HIVEP2: variants seen among roughly 807,000 people sequenced by gnomAD.
HIVEP2 encodes transcription factor HIVEP2.
In HIVEP2, 14 loss-of-function variants were observed where a neutral mutation model predicts 180.7. The observed-to-expected ratio is 0.08, with a 90% confidence interval of 0.05 to 0.12. HIVEP2 has a LOEUF of 0.12. Ranked by LOEUF, HIVEP2 falls within the 10% of genes least tolerant of loss-of-function variation. HIVEP2 has a pLI of 1.00. For synonymous variants in HIVEP2, 1,184 were observed against 1,136.4 expected (o/e 1.04, Z -0.84); for missense variants, 2,579 against 3,008.5 (o/e 0.86, Z 3.34).
chr6:142,883,996 T>A (rs930557895), intron 1 of HIVEP2, among the ~76,000 whole-genome samples: 7 of 152,232 alleles, frequency 4.6e-5, no homozygotes, highest in Non-Finnish European at 1.0e-4. Context: ...GAATTTTAAA[T>A]GTCTAAAATT....
At chr6:142,868,924 T>A (rs1427713108) in intron 1 of HIVEP2, among the ~76,000 whole-genome samples, 1 of 152,198 alleles carries the variant, frequency 6.6e-6, no homozygotes, top group Non-Finnish European at 1.5e-5. Context: ...AGTGTAAGTC[T>A]GAACATCGAT....
Position 142,770,800 on chromosome 6 carries a change from A to T in HIVEP2, c.3939T>A (p.Val1313=). Reference sequence around the variant, plus strand: ...TTGCCGAGGCAAAATCTTCTTGAAGAACCTGCTCAGAGGGCGTTTCAGTTG... The same window carrying T: ...TTGCCGAGGCAAAATCTTCTTGAAGTACCTGCTCAGAGGGCGTTTCAGTTG... ...SKSTETPSEQ[V]LQEDFASANA... is the part of the protein sequence containing the mutation. Residue 1313 remains valine, a synonymous_variant, in exon 5 of 10, where the codon GTT becomes GTA. Transcript: ENST00000367603. This position sits in a 1 kb window ranked among gnomAD's most constrained non-coding sequence, Gnocchi z 4.7. 2 of 1,614,198 alleles carry T rather than the reference A, an allele frequency of 1.2e-6. No individual in the cohort carries two copies. Among genetic ancestry groups the T allele is most frequent in the South Asian group, 2.2e-5 (2 of 91,082 alleles).
At chr6:142,911,142 A>AG (rs1214472938) in intron 1 of HIVEP2, among the ~76,000 whole-genome samples, 1 of 148,490 alleles carries the variant, frequency 6.7e-6, no homozygotes, top group African/African-American at 2.4e-5. Context: ...AACACATTAA[A>AG]AAAAAAAAAA....
intron 2 of HIVEP2, among the ~76,000 whole-genome samples, chr6:142,786,691 A>G (rs569194557): frequency 6.2e-4 from 94 of 152,370 alleles, no homozygotes; most frequent in African/African-American, 2.3e-3. Flanking sequence ...ACTGATTCAT[A>G]GATGACAGAT....
In HIVEP2 at chr6:142,752,371, C is replaced by CATTTA. The variant is rs1774943839; in HGVS notation, c.*735_*736insTAAAT. 1 of 152,614 alleles carries CATTTA rather than the reference C, an allele frequency of 6.6e-6. No individual in the cohort carries two copies. Among genetic ancestry groups the CATTTA allele is most frequent in the Non-Finnish European group, 1.5e-5 (1 of 68,034 alleles). The allele number at this position is 152,614 out of a possible 1,614,324, so 9.5% of individuals were successfully genotyped here. ...TTACGGTACTATCATTTTAAAATCA[C>CATTTA]AATCAGCACTTAAGTTATAGTCAAT... On this transcript the variant is annotated 3_prime_UTR_variant, in exon 10 of 10. Transcript: ENST00000367603.
intron 7 of HIVEP2, among the ~76,000 whole-genome samples, chr6:142,762,093 AC>A (rs1164075236): frequency 6.6e-6 from 1 of 152,200 alleles, no homozygotes; most frequent in Non-Finnish European, 1.5e-5. Context: ...GTGAGGGCCA[AC>A]CTTGTCAGTG....
chr6:142,851,089 C>T lies in HIVEP2; in HGVS notation c.-640-14042G>A, dbSNP rs187816635. Reference sequence around the variant, plus strand: ...CTGGGAAATATACAAATAATAGAAGCACTTTCATATTCTTTCATAAGTTGA... The same window carrying T: ...CTGGGAAATATACAAATAATAGAAGTACTTTCATATTCTTTCATAAGTTGA... On this transcript the variant is annotated intron_variant, in intron 1 of 9. Transcript: ENST00000367603. Among the ~76,000 whole-genome samples the T allele has an allele frequency of 3.9e-4, 59 of 152,210 alleles. No homozygotes were observed. In the South Asian group the frequency reaches 0.012, roughly 30 times the overall value.
intron 1 of HIVEP2, among the ~76,000 whole-genome samples, chr6:142,929,471 AAGG>A (rs1582973714): frequency 6.6e-6 from 1 of 152,200 alleles, no homozygotes; most frequent in East Asian, 1.9e-4. Context: ...AACAAAAAAA[AAGG>A]AGTTCTTCAG....
chr6:142,763,503 G>A (rs921314953), intron 7 of HIVEP2, among the ~76,000 whole-genome samples: 4 of 152,188 alleles, frequency 2.6e-5, no homozygotes, highest in Admixed American at 6.5e-5. Context: ...TTTCCTTCAG[G>A]AGATGATGAT....
At chr6:142,900,831 G>A (rs989106421) in intron 1 of HIVEP2, among the ~76,000 whole-genome samples, 1 of 152,142 alleles carries the variant, frequency 6.6e-6, no homozygotes, top group Non-Finnish European at 1.5e-5. Context: ...GTCTTGGAGG[G>A]TTGAGGTTTT....
chr6:142,934,934 C>T (rs1460602223), intron 1 of HIVEP2, among the ~76,000 whole-genome samples: 1 of 152,170 alleles, frequency 6.6e-6, no homozygotes, highest in Non-Finnish European at 1.5e-5. Flanking sequence ...AACAATGCTT[C>T]CTCAAACTCC....
chr6:142,791,330 A>C lies in HIVEP2; in HGVS notation c.-527-7715T>G, dbSNP rs576818962. Among the ~76,000 whole-genome samples, 851 of 152,298 alleles carry C rather than the reference A, an allele frequency of 5.6e-3. 5 individuals are homozygous for C. The highest frequency in any genetic ancestry group is 9.3e-3 in the Non-Finnish European group (631 of 68,018). Reference sequence around the variant, plus strand: ...GGCTTGAACAACCAGGAAAGACTAGACAGAGGGAAGGGGCTCAAGTGGAAG... The same window carrying C: ...GGCTTGAACAACCAGGAAAGACTAGCCAGAGGGAAGGGGCTCAAGTGGAAG... On this transcript the variant is annotated intron_variant, in intron 2 of 9. Transcript: ENST00000367603.
intron 1 of HIVEP2, among the ~76,000 whole-genome samples, chr6:142,899,964 A>T (rs970770769): frequency 6.6e-6 from 1 of 152,200 alleles, no homozygotes; most frequent in African/African-American, 2.4e-5. Context: ...ACCTTAATAG[A>T]GATGATTCTT....
intron 2 of HIVEP2, among the ~76,000 whole-genome samples, chr6:142,818,734 AAAG>A (rs1414190941): frequency 0.013 from 217 of 17,030 alleles, 4 homozygotes; most frequent in African/African-American, 0.037. Context: ...GAAAGAAAGA[AAAG>A]AAAGAAAGAA....
chr6:142,823,457 G>A (rs1777096625), intron 2 of HIVEP2, among the ~76,000 whole-genome samples: 1 of 152,196 alleles, frequency 6.6e-6, no homozygotes, highest in Non-Finnish European at 1.5e-5. Flanking sequence ...TGACATTGCA[G>A]TGTGGAGTTA....
intron 2 of HIVEP2, among the ~76,000 whole-genome samples, chr6:142,806,463 C>T (rs761583419): frequency 6.6e-6 from 1 of 152,148 alleles, no homozygotes; most frequent in Non-Finnish European, 1.5e-5. Context: ...AAGGGGAGAA[C>T]TATTAATACT....
At chr6:142,945,412 G>A (rs1265772812), upstream of HIVEP2, among the ~76,000 whole-genome samples, 4 of 152,160 alleles carry the variant, frequency 2.6e-5, no homozygotes, top group Admixed American at 6.5e-5. This position sits in a 1 kb window ranked among gnomAD's most constrained non-coding sequence, Gnocchi z 5.5. Context: ...GGAGTTCGGC[G>A]GCGGCGATTC....
intron 1 of HIVEP2, among the ~76,000 whole-genome samples, chr6:142,882,029 A>G (rs1776584152): frequency 6.6e-6 from 1 of 152,170 alleles, no homozygotes; most frequent in African/African-American, 2.4e-5. Context: ...GGAGGACTCT[A>G]CCCAGAGTCA....
At chr6:142,829,822 C>T (rs1395325848) in intron 2 of HIVEP2, among the ~76,000 whole-genome samples, 1 of 152,214 alleles carries the variant, frequency 6.6e-6, no homozygotes, top group Non-Finnish European at 1.5e-5. Context: ...AGGATGATGA[C>T]AGAATCAAGC....
Sources: gnomAD v4.1 joint callset for allele counts (sites outside exome capture counted in the v4.1 genomes callset) on GRCh38, gnomAD v4.1.1 for gene constraint, Gnocchi (gnomAD v3.1) non-coding constraint, MANE v1.5 for transcripts, NCBI Gene and HGNC (gene_info 2026-07-23, HGNC 2026-07-21) for gene names.